Variants in CNTNAP2 observed in about 807,000 individuals in gnomAD.
CNTNAP2 encodes the protein contactin-associated protein-like 2.
CNTNAP2 carries 98 observed loss-of-function variants against 155.2 expected under a neutral mutation model. That is an observed-to-expected ratio of 0.63 (90% CI 0.54 to 0.75). The LOEUF (loss-of-function observed/expected upper bound fraction) is 0.75, where lower values mean the gene tolerates loss of function less well. Ranked by LOEUF, CNTNAP2 falls within the 30% of genes least tolerant of loss-of-function variation. The probability of loss-of-function intolerance (pLI) is 0.00; values close to 1 mark genes in which losing one functional copy is unlikely to be tolerated. For missense variants in CNTNAP2, 1,727 were observed against 1,688.1 expected, an observed-to-expected ratio of 1.02 and a Z score of -0.40; for synonymous variants, 651 against 631.2, an observed-to-expected ratio of 1.03 and a Z score of -0.47.
At chr7:146,740,636 G>T (rs904148911) in intron 1 of CNTNAP2, among the ~76,000 whole-genome samples, 1 of 152,170 alleles carries the variant, frequency 6.6e-6, no homozygotes, top group Non-Finnish European at 1.5e-5. Context: ...TCAGACTCCT[G>T]AGCCAGTGTT....
At chr7:148,397,846 C>T (rs1447539103) in intron 22 of CNTNAP2, among the ~76,000 whole-genome samples, 2 of 152,212 alleles carry the variant, frequency 1.3e-5, no homozygotes, top group East Asian at 3.8e-4. Context: ...CCTTGATGGC[C>T]ATTTGCCATT....
chr7:146,122,156 GA>G (rs1321428999), intron 1 of CNTNAP2, among the ~76,000 whole-genome samples: 1 of 152,184 alleles, frequency 6.6e-6, no homozygotes, highest in Non-Finnish European at 1.5e-5. Flanking sequence ...GTGACTATGG[GA>G]AAAGGACCTA....
intron 13 of CNTNAP2, among the ~76,000 whole-genome samples, chr7:147,893,247 T>C (rs1799721857): frequency 6.6e-6 from 1 of 152,244 alleles, no homozygotes; most frequent in African/African-American, 2.4e-5. Context: ...TTTAAAGTTC[T>C]TAATTTAAAT....
intron 21 of CNTNAP2, among the ~76,000 whole-genome samples, chr7:148,328,976 GAAAAA>G (rs71188969): frequency 2.5e-4 from 17 of 69,254 alleles, no homozygotes; most frequent in South Asian, 1.6e-3. Flanking sequence ...ACTCTGTCTG[GAAAAA>G]AAAAAAAAAA....
In CNTNAP2 at chr7:146,836,208, T is replaced by C. The variant is rs747923714; in HGVS notation, c.209-3503T>C. Among the ~76,000 whole-genome samples, 53 of 151,848 alleles carry C rather than the reference T, an allele frequency of 3.5e-4. 3 individuals are homozygous for C. The highest frequency in any genetic ancestry group is 5.9e-5 in the Non-Finnish European group (4 of 68,022). On this transcript the variant is annotated intron_variant, in intron 2 of 23. Coordinates refer to ENST00000361727, the MANE Select transcript of CNTNAP2 (RefSeq NM_014141.6). ...ATTTTTCCAAATGTTTTGTGAGATA[T>C]GATTTCGATATAGTGAAAGGTACAG...
chr7:147,363,115 G>T (rs991932174), intron 9 of CNTNAP2, among the ~76,000 whole-genome samples: 7 of 152,164 alleles, frequency 4.6e-5, no homozygotes, highest in Non-Finnish European at 8.8e-5. Context: ...ATGCTAATAC[G>T]TGGTGGGACC....
intron 1 of CNTNAP2, among the ~76,000 whole-genome samples, chr7:146,651,749 A>C (rs1044467607): frequency 2.6e-5 from 4 of 152,164 alleles, no homozygotes; most frequent in African/African-American, 9.6e-5. Flanking sequence ...CAATGAACTA[A>C]TTCATCTGGG....
At chr7:147,001,193 G>A (rs1205000391) in intron 3 of CNTNAP2, among the ~76,000 whole-genome samples, 1 of 151,974 alleles carries the variant, frequency 6.6e-6, no homozygotes, top group Non-Finnish European at 1.5e-5. Context: ...GCTATGACAA[G>A]GTACAGTCAT....
At chr7:147,632,387 G>A (rs1417645998) in intron 12 of CNTNAP2, among the ~76,000 whole-genome samples, 1 of 152,082 alleles carries the variant, frequency 6.6e-6, no homozygotes, top group Non-Finnish European at 1.5e-5. Context: ...GAGATAATTG[G>A]ATAATGGGGG....
At chr7:146,754,525 G>T (rs1386418374) in intron 1 of CNTNAP2, among the ~76,000 whole-genome samples, 5 of 149,244 alleles carry the variant, frequency 3.4e-5, no homozygotes, top group African/African-American at 5.0e-5. Flanking sequence ...AGTCATGTAG[G>T]TTGTTAGAGT....
intron 21 of CNTNAP2, among the ~76,000 whole-genome samples, chr7:148,339,203 C>T (rs190044163): frequency 1.3e-5 from 2 of 150,790 alleles, no homozygotes; most frequent in East Asian, 2.0e-4. Flanking sequence ...TGTAGGTCAA[C>T]AGTATCAAAG....
At chr7:147,606,107 C>G (rs537708281) in intron 12 of CNTNAP2, among the ~76,000 whole-genome samples, 13 of 152,106 alleles carry the variant, frequency 8.5e-5, no homozygotes, top group Non-Finnish European at 1.8e-4. Context: ...TGCCCATTTC[C>G]AAGTCTTAGA....
intron 1 of CNTNAP2, among the ~76,000 whole-genome samples, chr7:146,344,469 G>C (rs1363854886): frequency 1.3e-5 from 2 of 150,534 alleles, no homozygotes; most frequent in Admixed American, 6.6e-5. Context: ...TATTGAACTA[G>C]CTTTTTTTTT....
chr7:146,889,948 C>T (rs182495324), intron 3 of CNTNAP2, among the ~76,000 whole-genome samples: 30 of 152,214 alleles, frequency 2.0e-4, no homozygotes, highest in East Asian at 1.4e-3. Flanking sequence ...TTTTCTTTCT[C>T]GTCCTCATTA....
At chr7:147,626,151 A>C (rs1396038227) in intron 12 of CNTNAP2, among the ~76,000 whole-genome samples, 4 of 152,176 alleles carry the variant, frequency 2.6e-5, no homozygotes, top group African/African-American at 9.6e-5. Flanking sequence ...ACTGGGCACA[A>C]ATCTTCTCAG....
At chr7:148,220,922 G>A (rs1795737839) in intron 19 of CNTNAP2, among the ~76,000 whole-genome samples, 1 of 152,110 alleles carries the variant, frequency 6.6e-6, no homozygotes, top group African/African-American at 2.4e-5. Context: ...AGAACCTTGG[G>A]TTTCTTCTCA....
At chr7:146,247,162 G>A (rs147250861) in intron 1 of CNTNAP2, among the ~76,000 whole-genome samples, 6,345 of 152,212 alleles carry the variant, frequency 0.042, 201 homozygotes, top group African/African-American at 0.093. Context: ...GCTGCCAAAC[G>A]AGCCATGAAC....
chr7:147,364,031 T>C (rs760407510), intron 9 of CNTNAP2, among the ~76,000 whole-genome samples: 3 of 152,178 alleles, frequency 2.0e-5, no homozygotes, highest in Non-Finnish European at 4.4e-5. Flanking sequence ...AATACATGCT[T>C]GTAGAAAAGA....
At chr7:146,823,945 T>C (rs1418863558) in intron 2 of CNTNAP2, among the ~76,000 whole-genome samples, 1 of 152,104 alleles carries the variant, frequency 6.6e-6, no homozygotes, top group Non-Finnish European at 1.5e-5. Context: ...TAGGTACATG[T>C]GCCATGGTGG....
Sources: gnomAD v4.1 joint callset for allele counts (sites outside exome capture counted in the v4.1 genomes callset) on GRCh38, gnomAD v4.1.1 for gene constraint, MANE v1.5 for transcripts, NCBI Gene and HGNC (gene_info 2026-07-23, HGNC 2026-07-21) for gene names.